Variants in ST8SIA6 observed in about 807,000 individuals in gnomAD.
ST8SIA6 encodes ST8 alpha-N-acetyl-neuraminide alpha-2,8-sialyltransferase 6, also known as alpha-2,8-sialyltransferase 8F.
In ST8SIA6, 39 loss-of-function variants were observed where a neutral mutation model predicts 33.6. That is an observed-to-expected ratio of 1.16 (90% confidence interval 0.90 to 1.52). The LOEUF (loss-of-function observed/expected upper bound fraction) is 1.52, where lower values mean the gene tolerates loss of function less well. Ranked by LOEUF, ST8SIA6 falls within the 40% of genes most tolerant of loss-of-function variation. The probability of loss-of-function intolerance (pLI) is 0.00; values close to 1 mark genes in which losing one functional copy is unlikely to be tolerated. For missense variants in ST8SIA6, 441 were observed against 443.8 expected, an observed-to-expected ratio of 0.99 and a Z score of 0.06; for synonymous variants, 172 against 167.2, an observed-to-expected ratio of 1.03 and a Z score of -0.22.
Position 17,316,555 on chromosome 10 carries a change from A to G in ST8SIA6, c.*4323T>C, listed in dbSNP as rs890803342. On this transcript the variant is annotated 3_prime_UTR_variant, in exon 8 of 8. Coordinates refer to ENST00000377602, the MANE Select transcript of ST8SIA6 (RefSeq NM_001004470.3). ...GCAATTACTGGACTATAGGACAGACATATGATGAATTTTACTAACTCAGTA... is the reference window on the plus strand; with the variant it reads ...GCAATTACTGGACTATAGGACAGACGTATGATGAATTTTACTAACTCAGTA... 1.3e-5 allele frequency among the ~76,000 whole-genome samples: 2 copies of G among 152,134 alleles called. No homozygotes were observed. The highest frequency in any genetic ancestry group is 4.8e-5 in the African/African-American group (2 of 41,466).
At chr10:17,365,820 A>G (rs1444518) in intron 3 of ST8SIA6, among the ~76,000 whole-genome samples, 18,318 of 152,212 alleles carry the variant, frequency 0.12, 1,237 homozygotes, top group South Asian at 0.19. Flanking sequence ...TGAGATACCA[A>G]TTTGGTTTCC....
intron 3 of ST8SIA6, among the ~76,000 whole-genome samples, chr10:17,379,143 C>CA (rs911759116): frequency 4.9e-4 from 32 of 65,284 alleles, no homozygotes; most frequent in African/African-American, 3.5e-3. Context: ...AAAACAAAAA[C>CA]AAAAAAAACC....
chr10:17,378,801 C>G (rs1850007158), intron 3 of ST8SIA6, among the ~76,000 whole-genome samples: 1 of 152,122 alleles, frequency 6.6e-6, no homozygotes, highest in South Asian at 2.1e-4. Context: ...TGATGGCCTG[C>G]TCCAATGAGG....
intron 3 of ST8SIA6, among the ~76,000 whole-genome samples, chr10:17,367,845 T>A (rs535523539): frequency 2.0e-5 from 3 of 152,154 alleles, no homozygotes; most frequent in Non-Finnish European, 4.4e-5. Flanking sequence ...CAAGCATGCA[T>A]AAAACACCTG....
At chr10:17,421,084 G>A (rs533973594) in intron 2 of ST8SIA6, among the ~76,000 whole-genome samples, 13 of 152,306 alleles carry the variant, frequency 8.5e-5, no homozygotes, top group Admixed American at 7.8e-4. Flanking sequence ...GATACATGGG[G>A]ATGACAATTT....
In ST8SIA6 at chr10:17,316,637, A is replaced by T. The variant is rs938597368; in HGVS notation, c.*4241T>A. Among the ~76,000 whole-genome samples, 23 of 152,242 alleles carry T rather than the reference A, an allele frequency of 1.5e-4. No homozygotes were observed. The highest frequency in any genetic ancestry group is 1.9e-4 in the Non-Finnish European group (13 of 67,974). On this transcript the variant is annotated 3_prime_UTR_variant, in exon 8 of 8. Coordinates refer to ENST00000377602, the MANE Select transcript of ST8SIA6 (RefSeq NM_001004470.3). ...AGCTTATACTTCCACACTTGAAGTT[A>T]ATGACCTTACTCATTTTTACCAATG...
chr10:17,426,401 GCTAA>G (rs1851939878), intron 2 of ST8SIA6, among the ~76,000 whole-genome samples: 1 of 152,150 alleles, frequency 6.6e-6, no homozygotes, highest in South Asian at 2.1e-4. Flanking sequence ...TTTTTACATG[GCTAA>G]CTGAGAAACT....
At chr10:17,401,499 C>G (rs1851040373) in intron 2 of ST8SIA6, among the ~76,000 whole-genome samples, 1 of 152,186 alleles carries the variant, frequency 6.6e-6, no homozygotes, top group African/African-American at 2.4e-5. Context: ...AAGAACAAAG[C>G]TGGAAGCATC....
intron 2 of ST8SIA6, among the ~76,000 whole-genome samples, chr10:17,395,554 TTTTTAA>T (rs1434340802): frequency 1.3e-5 from 2 of 152,194 alleles, no homozygotes; most frequent in African/African-American, 4.8e-5. Context: ...AAAAAAAATT[TTTTTAA>T]TTTTATTCTA....
At chr10:17,334,838 C>T (rs145755826) in intron 4 of ST8SIA6, among the ~76,000 whole-genome samples, 174 of 152,204 alleles carry the variant, frequency 1.1e-3, no homozygotes, top group Non-Finnish European at 1.8e-3. Flanking sequence ...AGTTAACCCC[C>T]AACCTCTGGC....
At chr10:17,344,411 G>A (rs1848769163) in intron 4 of ST8SIA6, among the ~76,000 whole-genome samples, 1 of 152,194 alleles carries the variant, frequency 6.6e-6, no homozygotes, top group Admixed American at 6.5e-5. Flanking sequence ...ATGGTGGCAG[G>A]CAAAGAAAGA....
At chr10:17,369,069 A>T (rs960345814) in intron 3 of ST8SIA6, among the ~76,000 whole-genome samples, 5 of 152,216 alleles carry the variant, frequency 3.3e-5, no homozygotes, top group African/African-American at 1.2e-4. Flanking sequence ...TATGTAGTTA[A>T]AAGTTTTTAG....
At chr10:17,407,614 G>A (rs1043076622) in intron 2 of ST8SIA6, among the ~76,000 whole-genome samples, 2 of 152,194 alleles carry the variant, frequency 1.3e-5, no homozygotes, top group African/African-American at 4.8e-5. Flanking sequence ...GGGTTGCCCT[G>A]TGAGTAAATC....
chr10:17,348,423 C>T (rs1376840453), intron 4 of ST8SIA6, among the ~76,000 whole-genome samples: 1 of 152,114 alleles, frequency 6.6e-6, no homozygotes, highest in Non-Finnish European at 1.5e-5. Flanking sequence ...TAAAAGGTCT[C>T]ATTATTTCAT....
intron 4 of ST8SIA6, among the ~76,000 whole-genome samples, chr10:17,340,937 A>G (rs1477435543): frequency 2.6e-5 from 4 of 152,190 alleles, no homozygotes; most frequent in Non-Finnish European, 5.9e-5. Context: ...TGACTGCTCT[A>G]GACACTGCAG....
intron 2 of ST8SIA6, among the ~76,000 whole-genome samples, chr10:17,419,143 A>C (rs933130808): frequency 8.6e-5 from 13 of 152,046 alleles, no homozygotes; most frequent in Non-Finnish European, 1.8e-4. Flanking sequence ...GTGATTCATT[A>C]ATGATCACCA....
intron 2 of ST8SIA6, among the ~76,000 whole-genome samples, chr10:17,426,427 C>T (rs1175234325): frequency 1.3e-5 from 2 of 152,162 alleles, no homozygotes; most frequent in Non-Finnish European, 1.5e-5. Flanking sequence ...CAGCAAAAAA[C>T]GGTGTGGAGA....
At chr10:17,423,068 C>T (rs1446640422) in intron 2 of ST8SIA6, among the ~76,000 whole-genome samples, 3 of 152,202 alleles carry the variant, frequency 2.0e-5, no homozygotes, top group East Asian at 1.9e-4. Context: ...TTGGCTGCAC[C>T]GGAGCCAAGG....
At chr10:17,429,335 A>G (rs1238320846) in intron 2 of ST8SIA6, among the ~76,000 whole-genome samples, 6 of 151,954 alleles carry the variant, frequency 3.9e-5, no homozygotes, top group Non-Finnish European at 7.4e-5. Flanking sequence ...TTTTCGAGGC[A>G]GGGTGTCACT....
Sources: allele counts gnomAD v4.1 joint callset (sites outside exome capture counted in the v4.1 genomes callset), GRCh38; gene constraint gnomAD v4.1.1; transcripts MANE v1.5; gene names NCBI Gene and HGNC (gene_info 2026-07-23, HGNC 2026-07-21).